Variants in AGGF1 observed in about 807,000 individuals in gnomAD.
AGGF1 encodes angiogenic factor with G-patch and FHA domains 1, also known as angiogenic factor with G patch and FHA domains 1.
A neutral mutation model predicts 86.5 loss-of-function variants in AGGF1; 56 were observed. That is an observed-to-expected ratio of 0.65 (90% confidence interval 0.52 to 0.81). The LOEUF is 0.81. Ranked by LOEUF, AGGF1 falls within the 30% of genes least tolerant of loss-of-function variation. The probability of loss-of-function intolerance (pLI) is 0.00; values close to 1 mark genes in which losing one functional copy is unlikely to be tolerated. For missense variants in AGGF1, 816 were observed against 850.9 expected (o/e 0.96, Z 0.51); for synonymous variants, 313 against 297.1 (o/e 1.05, Z -0.55).
intron 1 of AGGF1, among the ~76,000 whole-genome samples, chr5:77,032,601 C>T (rs1746891202): frequency 6.7e-6 from 1 of 149,244 alleles, no homozygotes; most frequent in African/African-American, 2.5e-5. Context: ...GAGACGGGAG[C>T]AAAATATAAC....
chr5:77,061,956 T>G (rs1747570829), intron 13 of AGGF1, among the ~76,000 whole-genome samples, 154 bp downstream of exon 13: 1 of 152,218 alleles, frequency 6.6e-6, no homozygotes, highest in African/African-American at 2.4e-5. Flanking sequence ...TTACCAAATA[T>G]ATACATGTGC....
At chr5:77,062,975 G>C in intron 13 of AGGF1, 77 bp from the exon 14 acceptor site, 1 of 1,473,094 alleles carries the variant, frequency 6.8e-7, no homozygotes, top group Non-Finnish European at 9.4e-7. Context: ...AAAAATTGTA[G>C]AGTCCTAAGT....
chr5:77,049,842 G>C (rs1029527239), intron 8 of AGGF1, among the ~76,000 whole-genome samples: 2 of 152,108 alleles, frequency 1.3e-5, no homozygotes, highest in East Asian at 3.9e-4. Context: ...GAGCCACCGC[G>C]TCTGGCTGAG....
chr5:77,040,934 C>T (rs1747066062), intron 5 of AGGF1, among the ~76,000 whole-genome samples: 1 of 152,118 alleles, frequency 6.6e-6, no homozygotes, highest in African/African-American at 2.4e-5. Context: ...GCCATCATGG[C>T]TCACTGCATC....
Position 77,034,457 on chromosome 5 carries a change from G to A in AGGF1, c.250G>A (p.Glu84Lys). 1 of 1,613,586 alleles carries A rather than the reference G, an allele frequency of 6.2e-7. No homozygotes were observed. The highest frequency in any genetic ancestry group is 8.5e-7 in the Non-Finnish European group (1 of 1,179,638). ...TAAAATACTCCAACGTGGGAGAAATGAAGATAATAAAAAGTCTGATGTAGA... is the reference window on the plus strand; with the variant it reads ...TAAAATACTCCAACGTGGGAGAAATAAAGATAATAAAAAGTCTGATGTAGA... ...LSKILQRGRN[E>K]DNKKSDVEVQ... Residue 84 changes from glutamate to lysine, a missense_variant, in exon 2 of 14, where the codon GAA becomes AAA. Transcript: ENST00000312916.
intron 5 of AGGF1, 49 bp downstream of exon 5, chr5:77,039,768 A>T: frequency 6.6e-7 from 1 of 1,515,194 alleles, no homozygotes; most frequent in Non-Finnish European, 9.0e-7. Context: ...ATAACATGAT[A>T]ATTAAGACAA....
At chr5:77,039,847 G>C (rs1747037689) in intron 5 of AGGF1, 128 bp downstream of exon 5, 1 of 775,070 alleles carries the variant, frequency 1.3e-6, no homozygotes, top group African/African-American at 1.8e-5. Flanking sequence ...GATAACCTAG[G>C]AAAGTTTAGA....
At chr5:77,043,756 G>A (rs1230002915) in intron 5 of AGGF1, among the ~76,000 whole-genome samples, 5 of 127,082 alleles carry the variant, frequency 3.9e-5, no homozygotes, top group African/African-American at 1.1e-4. Flanking sequence ...GGTGGCTGCC[G>A]GGCGGAGAGG....
At chr5:77,037,761 G>A (rs1453178791) in intron 4 of AGGF1, among the ~76,000 whole-genome samples, 2 of 152,204 alleles carry the variant, frequency 1.3e-5, no homozygotes, top group Non-Finnish European at 2.9e-5. Flanking sequence ...AGGTGACAGA[G>A]TGAGACCCTG....
At chr5:77,056,544 A>G (rs72765114) in intron 11 of AGGF1, among the ~76,000 whole-genome samples, 33,904 of 151,054 alleles carry the variant, frequency 0.22, 4,392 homozygotes, top group Non-Finnish European at 0.29. Context: ...GGTCTTTTAC[A>G]ACAAATGGTG....
intron 6 of AGGF1, among the ~76,000 whole-genome samples, chr5:77,047,872 A>G (rs992489010): frequency 6.6e-6 from 1 of 151,166 alleles, no homozygotes; most frequent in Non-Finnish European, 1.5e-5. Context: ...TAATATAAAA[A>G]TATTTGGGAT....
intron 4 of AGGF1, among the ~76,000 whole-genome samples, chr5:77,037,148 G>A (rs1223209100): frequency 6.6e-6 from 1 of 152,148 alleles, no homozygotes; most frequent in Non-Finnish European, 1.5e-5. Context: ...ATAAGGTTAA[G>A]GTTAAAATAA....
chr5:77,030,801 C>A lies in AGGF1; in HGVS notation c.35C>A (p.Pro12Gln), dbSNP rs368869546. 1.3e-6 allele frequency: 2 copies of A among 1,598,682 alleles called. No individual in the cohort carries two copies. The highest frequency in any genetic ancestry group is 2.3e-5 in the East Asian group (1 of 44,420). The change falls in exon 1 of 14, where the codon CCG (proline) becomes CAG (glutamine). Residue 12 changes from proline (P) to glutamine (Q), a missense_variant. Physicochemically the swap from Pro to Gln is moderately conservative, Grantham distance 76. This residue lies in a region of AGGF1 where 240 missense variants were observed against 234.4 expected (regional missense o/e 1.02). Coordinates refer to ENST00000312916, the MANE Select transcript of AGGF1 (RefSeq NM_018046.5). ...GAGGCGCCGTCCCCGCCGCGGTCGC[C>A]GCCGCCGCCCACCTCCCCCGAGCCT... is the stretch of plus-strand genomic sequence containing the variant. ...ASEAPSPPRS[P>Q]PPPTSPEPEL...
Position 77,059,786 on chromosome 5 carries a change from A to G in AGGF1, c.1844+43A>G, listed in dbSNP as rs746011321. 5.6e-6 allele frequency: 9 copies of G among 1,609,724 alleles called. No individual in the cohort carries two copies. The East Asian group carries it at 6.7e-5, about 12-fold the overall frequency. On this transcript the variant is annotated intron_variant, in intron 12 of 13. Transcript: ENST00000312916. ...GTGGCTCGAAACATCCTTTGTTCAT[A>G]ATAACATTCATAGGGTGGTCTGATG...
At chr5:77,036,766 C>T in intron 4 of AGGF1, 46 bp downstream of exon 4, 3 of 1,598,198 alleles carry the variant, frequency 1.9e-6, no homozygotes, top group African/African-American at 2.7e-5. Flanking sequence ...TTGAGACAGT[C>T]TCCCTCTGTC....
chr5:77,057,863 A>G (rs1471140242), intron 11 of AGGF1, among the ~76,000 whole-genome samples: 2 of 152,244 alleles, frequency 1.3e-5, no homozygotes, highest in Non-Finnish European at 2.9e-5. Flanking sequence ...GTTTTAGCCA[A>G]TCCCTCCTTA....
At chr5:77,042,179 C>T (rs1319952561) in intron 5 of AGGF1, among the ~76,000 whole-genome samples, 2 of 151,998 alleles carry the variant, frequency 1.3e-5, no homozygotes, top group Admixed American at 6.5e-5. Context: ...TTTCTTAGTG[C>T]AGAACAAAAT....
intron 5 of AGGF1, among the ~76,000 whole-genome samples, chr5:77,042,200 A>G (rs866237670): frequency 1.3e-5 from 2 of 151,900 alleles, no homozygotes; most frequent in East Asian, 2.0e-4. Context: ...GAAGTCTCCC[A>G]TGTCTACTTC....
chr5:77,043,686 C>T (rs1297056628), intron 5 of AGGF1, among the ~76,000 whole-genome samples: 1 of 145,102 alleles, frequency 6.9e-6, no homozygotes, highest in Non-Finnish European at 1.5e-5. Flanking sequence ...GCTGATCCCC[C>T]CCACCTCCCT....
Sources: allele counts gnomAD v4.1 joint callset (sites outside exome capture counted in the v4.1 genomes callset), GRCh38; gene constraint gnomAD v4.1.1; regional missense constraint gnomAD v4.1.1; transcripts MANE v1.5; gene names NCBI Gene and HGNC (gene_info 2026-07-23, HGNC 2026-07-21).